The following DDX52 variants were observed in gnomAD, a reference collection of about 807,000 sequenced individuals.
DDX52 encodes DExD-box helicase 52, also known as probable ATP-dependent RNA helicase DDX52.
Under a neutral mutation model 76.1 loss-of-function variants are expected in DDX52, and 59 were observed. The observed-to-expected ratio is 0.78, with a 90% CI of 0.63 to 0.96. DDX52 has a LOEUF of 0.96. Among genes scored for constraint, DDX52 ranks in the 40% least tolerant of loss-of-function variants. The pLI, the probability that DDX52 is intolerant of heterozygous loss-of-function variation, is 0.00. For synonymous variants in DDX52, 231 were observed against 244.1 expected (o/e 0.95, Z 0.50); for missense variants, 707 against 703.9 (o/e 1.00, Z -0.05).
chr17:37,613,050 C>G lies in DDX52; in HGVS notation c.*1246G>C, dbSNP rs573551305. The G allele has an allele frequency of 7.0e-4, 106 of 152,258 alleles. No individual in the cohort carries two copies. The highest frequency in any genetic ancestry group is 2.5e-3 in the African/African-American group (105 of 41,552). 9.4% of individuals were successfully genotyped at this position (152,258 alleles called of 1,614,324 possible). ...CTAAAATATTCAAAGCAAAGTCCACCTGTTCTGACTCTAGAACAAAAAGCT... is the reference window on the plus strand; with the variant it reads ...CTAAAATATTCAAAGCAAAGTCCACGTGTTCTGACTCTAGAACAAAAAGCT... On this transcript the variant is annotated 3_prime_UTR_variant, in exon 15 of 15. Transcript: ENST00000617633.
intron 2 of DDX52, among the ~76,000 whole-genome samples, chr17:37,640,384 A>G (rs1277131709): frequency 6.6e-6 from 1 of 152,256 alleles, no homozygotes; most frequent in Admixed American, 6.5e-5. Context: ...AGGGGAAGGT[A>G]GTAGCAGAGG....
intron 11 of DDX52, 24 bp from the exon 12 acceptor site, chr17:37,620,972 A>G: frequency 1.3e-6 from 2 of 1,576,088 alleles, no homozygotes; most frequent in African/African-American, 2.8e-5. Context: ...GACCATTAAA[A>G]AACACATTTT....
Position 37,609,832 on chromosome 17 carries a change from T to C in DDX52, c.*4464A>G, listed in dbSNP as rs189502366. 1.8e-3 allele frequency: 271 copies of C among 153,514 alleles called. No homozygotes were observed. The highest frequency in any genetic ancestry group is 6.8e-3 in the Middle Eastern group (2 of 296). The allele number at this position is 153,514 out of a possible 1,614,324, so 9.5% of individuals were successfully genotyped here. On this transcript the variant is annotated 3_prime_UTR_variant, in exon 15 of 15. Transcript: ENST00000617633. ...GGTCCTGAAGGGCCCTTTGATAGTC[T>C]CGCAGCACTGATGAGTGATCAGCTC...
At chr17:37,628,737 C>T (rs2030520072) in intron 5 of DDX52, 65 bp from the exon 6 acceptor site, 8 of 1,157,994 alleles carry the variant, frequency 6.9e-6, no homozygotes, top group Non-Finnish European at 9.8e-6. Context: ...TACTCTTTTA[C>T]ATGATTAATG....
chr17:37,629,340 T>C (rs1433488232), intron 5 of DDX52, among the ~76,000 whole-genome samples: 1 of 150,024 alleles, frequency 6.7e-6, no homozygotes, highest in East Asian at 2.0e-4. Context: ...ATTGGGAGGG[T>C]AGAACAGATC....
intron 9 of DDX52, among the ~76,000 whole-genome samples, chr17:37,622,742 G>A (rs866730950): frequency 1.3e-4 from 20 of 152,214 alleles, no homozygotes; most frequent in African/African-American, 4.8e-4. Flanking sequence ...CTCAAACATG[G>A]CTGAAAACCT....
intron 2 of DDX52, among the ~76,000 whole-genome samples, chr17:37,636,299 T>C (rs1238095381): frequency 6.6e-6 from 1 of 152,210 alleles, no homozygotes; most frequent in African/African-American, 2.4e-5. Flanking sequence ...GTTCACTTTT[T>C]TCCCCATGGA....
At chr17:37,640,266 A>G (rs73293897) in intron 2 of DDX52, among the ~76,000 whole-genome samples, 23,427 of 152,250 alleles carry the variant, frequency 0.15, 2,031 homozygotes, top group Middle Eastern at 0.27. Flanking sequence ...AACTTGTTAA[A>G]TCAATTATGC....
In DDX52 at chr17:37,633,688, T is replaced by C. The variant is rs1477948446; in HGVS notation, c.287-270A>G. 2.0e-5 allele frequency among the ~76,000 whole-genome samples: 3 copies of C among 151,298 alleles called. No individual in the cohort carries two copies. In the East Asian group the frequency reaches 5.8e-4, roughly 29 times the overall value. On this transcript the variant is annotated intron_variant, in intron 2 of 14. Coordinates refer to ENST00000617633, the MANE Select transcript of DDX52 (RefSeq NM_007010.5). ...AAAAAAAAGAAAAAAGGTTTTAATC[T>C]TGGATGTATGTGTAGCAAGAAAGCC...
At chr17:37,638,206 T>G (rs942152687) in intron 2 of DDX52, among the ~76,000 whole-genome samples, 5 of 152,214 alleles carry the variant, frequency 3.3e-5, no homozygotes, top group African/African-American at 1.2e-4. Flanking sequence ...CTTGTTGACT[T>G]TCTGGAAGGC....
chr17:37,639,452 G>A, intron 2 of DDX52: 1 of 995,356 alleles, frequency 1.0e-6, no homozygotes, highest in Non-Finnish European at 1.2e-6. Context: ...ATAGATACAT[G>A]CCTGGCTGGG....
chr17:37,622,364 G>A (rs961932481), intron 9 of DDX52, among the ~76,000 whole-genome samples: 1 of 151,442 alleles, frequency 6.6e-6, no homozygotes, highest in Non-Finnish European at 1.5e-5. Context: ...TGCAATCTTG[G>A]CTCACTGCAA....
chr17:37,618,052 T>G (rs2029887627), intron 14 of DDX52, among the ~76,000 whole-genome samples: 1 of 152,012 alleles, frequency 6.6e-6, no homozygotes. Context: ...GAGGCAGAGG[T>G]TGCAGTGAGC....
intron 7 of DDX52, among the ~76,000 whole-genome samples, chr17:37,626,512 T>C (rs2030382431): frequency 6.6e-6 from 1 of 152,176 alleles, no homozygotes; most frequent in African/African-American, 2.4e-5. Flanking sequence ...CAGTCTCAGG[T>C]AGCTGTTTAG....
intron 4 of DDX52, among the ~76,000 whole-genome samples, chr17:37,630,633 C>G (rs1039095188): frequency 6.7e-6 from 1 of 149,490 alleles, no homozygotes; most frequent in Non-Finnish European, 1.5e-5. Flanking sequence ...TTCAAAAACT[C>G]ACTGTGTTTT....
intron 8 of DDX52, among the ~76,000 whole-genome samples, chr17:37,625,176 A>C (rs541841226): frequency 6.6e-6 from 1 of 152,066 alleles, no homozygotes; most frequent in East Asian, 1.9e-4. Context: ...TATTTTTGGA[A>C]GAGATGGGGT....
At chr17:37,617,681 C>G (rs929785193) in intron 14 of DDX52, among the ~76,000 whole-genome samples, 2 of 152,208 alleles carry the variant, frequency 1.3e-5, no homozygotes, top group Non-Finnish European at 2.9e-5. Flanking sequence ...GTCAATGGTC[C>G]TAACTATTGG....
intron 2 of DDX52, among the ~76,000 whole-genome samples, chr17:37,641,116 T>C (rs1041354144): frequency 1.1e-4 from 17 of 151,892 alleles, no homozygotes; most frequent in African/African-American, 4.1e-4. Context: ...ACCAGCCAGG[T>C]GTGGTGGCTC....
intron 6 of DDX52, among the ~76,000 whole-genome samples, chr17:37,628,066 A>C (rs2030481123): frequency 1.3e-5 from 2 of 152,134 alleles, no homozygotes. Context: ...AGAAGATTAC[A>C]GGTGTGAGCC....
Sources: gnomAD v4.1 joint callset for allele counts (sites outside exome capture counted in the v4.1 genomes callset) on GRCh38, gnomAD v4.1.1 for gene constraint, MANE v1.5 for transcripts, NCBI Gene and HGNC (gene_info 2026-07-23, HGNC 2026-07-21) for gene names.